The following ARMC1 variants were observed in gnomAD, a reference collection of about 807,000 sequenced individuals.
ARMC1 encodes armadillo repeat containing 1.
Under a neutral mutation model 31.4 loss-of-function variants are expected in ARMC1, and 16 were observed. That is an observed-to-expected ratio of 0.51 (90% CI 0.34 to 0.77). The LOEUF (loss-of-function observed/expected upper bound fraction) is 0.77. Among genes scored for constraint, ARMC1 ranks in the 30% least tolerant of loss-of-function variants. The probability of loss-of-function intolerance (pLI) is 0.01; values close to 1 mark genes in which losing one functional copy is unlikely to be tolerated. For synonymous variants in ARMC1, 114 were observed against 118.9 expected (o/e 0.96, Z 0.27); for missense variants, 259 against 347.5 (o/e 0.75, Z 2.02).
intron 4 of ARMC1, among the ~76,000 whole-genome samples, chr8:65,608,111 A>G (rs1347728386): frequency 6.6e-6 from 1 of 152,216 alleles, no homozygotes; most frequent in Non-Finnish European, 1.5e-5. Flanking sequence ...CTATATCAAT[A>G]GCAAATTATC....
chr8:65,624,607 T>C (rs927321223), intron 2 of ARMC1, among the ~76,000 whole-genome samples: 1 of 150,974 alleles, frequency 6.6e-6, no homozygotes, highest in Non-Finnish European at 1.5e-5. Context: ...AGAAGTAAAA[T>C]GTATGACAAA....
intron 3 of ARMC1, among the ~76,000 whole-genome samples, chr8:65,617,387 A>G (rs941540550): frequency 6.6e-6 from 1 of 152,200 alleles, no homozygotes; most frequent in Non-Finnish European, 1.5e-5. Context: ...AGGGCGGTGC[A>G]AGATGTGCTT....
intron 2 of ARMC1, among the ~76,000 whole-genome samples, chr8:65,625,219 C>T (rs990062425): frequency 6.6e-6 from 1 of 152,152 alleles, no homozygotes; most frequent in Non-Finnish European, 1.5e-5. Context: ...TTTATACTTC[C>T]CTTCCTATTC....
chr8:65,632,702 C>T (rs566610082), intron 1 of ARMC1, among the ~76,000 whole-genome samples: 1 of 151,998 alleles, frequency 6.6e-6, no homozygotes, highest in East Asian at 1.9e-4. Flanking sequence ...TTCGGGAGGC[C>T]AAGGCCTCTG....
intron 1 of ARMC1, among the ~76,000 whole-genome samples, chr8:65,628,391 A>ATTTTTTTTTTTTTT (rs763494218): frequency 6.3e-5 from 5 of 78,810 alleles, no homozygotes; most frequent in African/African-American, 1.5e-4. Flanking sequence ...CGCCCGGCTA[A>ATTTTTTTTTTTTTT]TTTTTTTTTT....
chr8:65,627,375 C>T lies in ARMC1; in HGVS notation c.24G>A (p.Met8Ile), dbSNP rs377284702. The change falls in exon 2 of 7, where the codon ATG becomes ATA. Residue 8 changes from methionine to isoleucine, a missense_variant. This residue lies in a region of ARMC1 where 163 missense variants were observed against 186.7 expected (regional missense o/e 0.87). Coordinates refer to ENST00000276569, the MANE Select transcript of ARMC1 (RefSeq NM_018120.6). ...CCGATAGAGCGTCAGGCTCTTCACT[C>T]ATGGTGGAAGTGGAAGAATTCATCT... MNSSTST[M>I]SEEPDALSVV... is the part of the protein sequence containing the mutation. The T allele has an allele frequency of 6.3e-6, 10 of 1,589,846 alleles. No homozygotes were observed. The African/African-American group carries it at 1.4e-4, about 21-fold the overall frequency.
intron 1 of ARMC1, among the ~76,000 whole-genome samples, chr8:65,629,576 G>A (rs1417426453): frequency 1.3e-5 from 2 of 151,968 alleles, no homozygotes; most frequent in Admixed American, 1.3e-4. Flanking sequence ...CAAGGCAGGC[G>A]GATCATGAGG....
chr8:65,628,767 G>C (rs1278387133), intron 1 of ARMC1, among the ~76,000 whole-genome samples: 1 of 151,346 alleles, frequency 6.6e-6, no homozygotes, highest in Non-Finnish European at 1.5e-5. Context: ...TGAGGCAGGA[G>C]AATTTATTAA....
At chr8:65,621,957 A>G (rs1479673872) in intron 3 of ARMC1, among the ~76,000 whole-genome samples, 2 of 148,634 alleles carry the variant, frequency 1.3e-5, no homozygotes, top group Non-Finnish European at 3.0e-5. Flanking sequence ...TTTTTTTTTG[A>G]GATGGAATCT....
rs537375059 is a variant in ARMC1, at chr8:65,616,180, C to T, written c.276-2747G>A. Among the ~76,000 whole-genome samples the T allele has an allele frequency of 9.2e-5, 14 of 152,330 alleles. No individual in the cohort carries two copies. In the South Asian group the frequency reaches 2.7e-3, roughly 29 times the overall value. ...CCTCTTCCCGGTCTCCCTCTGATGC[C>T]GAGCGGAAGCTGGACTGTACTGCTG... On this transcript the variant is annotated intron_variant, in intron 3 of 6. Coordinates refer to ENST00000276569, the MANE Select transcript of ARMC1 (RefSeq NM_018120.6).
intron 3 of ARMC1, among the ~76,000 whole-genome samples, chr8:65,618,521 C>A (rs78836350): frequency 0.016 from 1,603 of 98,284 alleles, no homozygotes; most frequent in Admixed American, 0.019. Context: ...GACTCAGTCT[C>A]AAAAAAAAAA....
chr8:65,631,173 T>C (rs771053914), intron 1 of ARMC1, among the ~76,000 whole-genome samples: 1 of 152,224 alleles, frequency 6.6e-6, no homozygotes, highest in Non-Finnish European at 1.5e-5. Context: ...AGACTCATTT[T>C]TCTTACCTTG....
At chr8:65,617,429 C>G (rs903172443) in intron 3 of ARMC1, among the ~76,000 whole-genome samples, 13 of 151,878 alleles carry the variant, frequency 8.6e-5, no homozygotes, top group African/African-American at 2.7e-4. Flanking sequence ...CAGCATGCTC[C>G]TTAAGAGTCA....
chr8:65,614,782 A>C (rs1808215753), intron 3 of ARMC1, among the ~76,000 whole-genome samples: 1 of 152,148 alleles, frequency 6.6e-6, no homozygotes. Flanking sequence ...GTCTTTCCTT[A>C]GCTGGAAGAG....
Position 65,613,451 on chromosome 8 carries a change from A to G in ARMC1, c.276-18T>C, listed in dbSNP as rs1239284392. 1 of 1,529,774 alleles carries G rather than the reference A, an allele frequency of 6.5e-7. No homozygotes were observed. The highest frequency in any genetic ancestry group is 8.8e-7 in the Non-Finnish European group (1 of 1,133,732). 94.8% of individuals were successfully genotyped at this position (1,529,774 alleles called of 1,614,324 possible). On this transcript the variant is annotated intron_variant, in intron 3 of 6. Transcript: ENST00000276569. Reference sequence around the variant, plus strand: ...TTGTAGTTCTTGAAAAGAAACACATATATAATTAGTCTTGTCACTTCTACT... The same window carrying G: ...TTGTAGTTCTTGAAAAGAAACACATGTATAATTAGTCTTGTCACTTCTACT...
intron 3 of ARMC1, 46 bp downstream of exon 3, chr8:65,622,217 T>C (rs777575809): frequency 6.9e-7 from 1 of 1,458,574 alleles, no homozygotes; most frequent in African/African-American, 1.4e-5. Flanking sequence ...AAGTAAGTAA[T>C]ATAAGTAAGT....
chr8:65,605,841 CAG>C (rs943592253), intron 4 of ARMC1, among the ~76,000 whole-genome samples: 32 of 152,098 alleles, frequency 2.1e-4, no homozygotes, highest in Non-Finnish European at 4.4e-4. Flanking sequence ...GAACACAACA[CAG>C]GGGGAAAAAA....
At chr8:65,606,633 C>T (rs959275851) in intron 4 of ARMC1, among the ~76,000 whole-genome samples, 24 of 152,124 alleles carry the variant, frequency 1.6e-4, no homozygotes, top group African/African-American at 5.6e-4. Context: ...AACATGTACC[C>T]TTCAATACTT....
intron 1 of ARMC1, among the ~76,000 whole-genome samples, chr8:65,629,527 G>A (rs541487952): frequency 1.3e-5 from 2 of 152,058 alleles, no homozygotes; most frequent in South Asian, 2.1e-4. Context: ...CCAGATGGGC[G>A]CGGTGGCTCA....
Sources: gnomAD v4.1 joint callset for allele counts (sites outside exome capture counted in the v4.1 genomes callset) on GRCh38, gnomAD v4.1.1 for gene constraint, gnomAD v4.1.1 regional missense constraint, MANE v1.5 for transcripts, NCBI Gene and HGNC (gene_info 2026-07-23, HGNC 2026-07-21) for gene names.